The following BACH2 variants were observed in gnomAD, a reference collection of about 807,000 sequenced individuals.
BACH2 encodes the protein transcription regulator protein BACH2.
A neutral mutation model predicts 61.8 loss-of-function variants in BACH2; 5 were observed. That is an observed-to-expected ratio of 0.08 (90% CI 0.04 to 0.17). BACH2 has a LOEUF of 0.17. Ranked by LOEUF, BACH2 falls within the 10% of genes least tolerant of loss-of-function variation. The pLI is 1.00. For synonymous variants in BACH2, 446 were observed against 440.1 expected (o/e 1.01, Z -0.17); for missense variants, 824 against 1,091.1 (o/e 0.76, Z 3.45).
In BACH2 at chr6:89,962,996, T is replaced by C. The variant is rs1343736370; in HGVS notation, c.244-11134A>G. Among the ~76,000 whole-genome samples, 6 of 152,198 alleles carry C rather than the reference T, an allele frequency of 3.9e-5. 1 individual carries two copies. Among genetic ancestry groups the C allele is most frequent in the Non-Finnish European group, 7.4e-5 (5 of 68,024 alleles). The stretch of plus-strand genomic sequence containing the variant: ...AAAGGGTTGATATATAAAGAACCCC[T>C]ATGTAAAGAACTCTCATTTAAAGAA... On this transcript the variant is annotated intron_variant, in intron 6 of 8. Transcript: ENST00000257749.
chr6:90,103,908 T>C (rs1390619612), intron 4 of BACH2, among the ~76,000 whole-genome samples: 2 of 152,194 alleles, frequency 1.3e-5, no homozygotes, highest in African/African-American at 4.8e-5. Flanking sequence ...CCTGAAAACA[T>C]CCATTTGAAA....
intron 4 of BACH2, among the ~76,000 whole-genome samples, chr6:90,168,107 T>C (rs1454022564): frequency 1.3e-5 from 2 of 152,164 alleles, no homozygotes; most frequent in Non-Finnish European, 2.9e-5. Context: ...GCCTGTAATC[T>C]CAGTACTTTG....
chr6:90,079,791 C>G (rs1781642524), intron 5 of BACH2, among the ~76,000 whole-genome samples: 1 of 152,122 alleles, frequency 6.6e-6, no homozygotes, highest in Non-Finnish European at 1.5e-5. Context: ...TCTGGGCCAC[C>G]CACACTGCCC....
At chr6:90,204,034 G>T (rs190856603) in intron 4 of BACH2, among the ~76,000 whole-genome samples, 1 of 152,248 alleles carries the variant, frequency 6.6e-6, no homozygotes, top group Non-Finnish European at 1.5e-5. Flanking sequence ...TTTCTAGAGG[G>T]ATGGTCTCTA....
At chr6:90,026,261 G>A (rs1226464557) in intron 5 of BACH2, among the ~76,000 whole-genome samples, 1 of 152,208 alleles carries the variant, frequency 6.6e-6, no homozygotes. Context: ...GGGGAAGATG[G>A]AAGGAGGAAT....
chr6:89,936,004 A>C (rs879041224), intron 8 of BACH2, among the ~76,000 whole-genome samples: 1 of 152,228 alleles, frequency 6.6e-6, no homozygotes, highest in Non-Finnish European at 1.5e-5. Context: ...GCAATATTTG[A>C]AAGAAAGAAG....
At chr6:90,021,299 T>TAAAAAAAAAAAAAAAAAAAAA (rs200724602) in intron 5 of BACH2, among the ~76,000 whole-genome samples, 3 of 100,240 alleles carry the variant, frequency 3.0e-5, no homozygotes, top group Admixed American at 9.3e-5. Context: ...AGCAAAAAAG[T>TAAAAAAAAAAAAAAAAAAAAA]AAAAAAAAAA....
intron 3 of BACH2, among the ~76,000 whole-genome samples, chr6:90,223,139 T>G (rs1039655986): frequency 1.3e-5 from 2 of 152,192 alleles, no homozygotes; most frequent in Non-Finnish European, 2.9e-5. Context: ...CAAATTGCCT[T>G]GCTGAGAAAA....
At chr6:90,283,681 T>C (rs899590308) in intron 1 of BACH2, among the ~76,000 whole-genome samples, 2 of 150,428 alleles carry the variant, frequency 1.3e-5, no homozygotes, top group Non-Finnish European at 3.0e-5. Flanking sequence ...GGCCTCCTCA[T>C]GCATTTTTAA....
chr6:89,938,354 A>C lies in BACH2; in HGVS notation c.1837-4T>G, dbSNP rs566125670. 6.2e-7 allele frequency: 1 copy of C among 1,608,864 alleles called. No individual in the cohort carries two copies. Among genetic ancestry groups the C allele is most frequent in the African/African-American group, 1.3e-5 (1 of 74,966 alleles). On this transcript the variant is annotated splice_polypyrimidine_tract_variant and splice_region_variant and intron_variant, in intron 7 of 8. Coordinates refer to ENST00000257749, the MANE Select transcript of BACH2 (RefSeq NM_021813.4). ...CTACAGGAAAAGGAAGTTTTACCTG[A>C]AACCAAGAATAACAGAAAATGATTA... is the stretch of plus-strand genomic sequence containing the variant.
chr6:90,032,029 C>G lies in BACH2; in HGVS notation c.-12-23173G>C, dbSNP rs1434817693. The stretch of plus-strand genomic sequence containing the variant: ...AGACATATAGACCAATGGAACAGAA[C>G]AGAGTCCTCAGAAATAATGCCGCAT... On this transcript the variant is annotated intron_variant, in intron 5 of 8. Coordinates refer to ENST00000257749, the MANE Select transcript of BACH2 (RefSeq NM_021813.4). Among the ~76,000 whole-genome samples, 3 of 152,130 alleles carry G rather than the reference C, an allele frequency of 2.0e-5. No individual in the cohort carries two copies. In the East Asian group the frequency reaches 5.8e-4, roughly 29 times the overall value.
rs1051594228 is a variant in BACH2 at position 90,143,268 on chromosome 6, G to A, written c.-161-54159C>T. 6.6e-5 allele frequency among the ~76,000 whole-genome samples: 10 copies of A among 152,096 alleles called. 1 individual carries two copies. The South Asian group carries it at 1.9e-3, about 28-fold the overall frequency. The stretch of plus-strand genomic sequence containing the variant: ...AATAGGACTGAGATGGTACAATGAA[G>A]GAAAAATTAATAGTAACATCGATGA... On this transcript the variant is annotated intron_variant, in intron 4 of 8. Transcript: ENST00000257749.
chr6:90,098,819 G>A (rs758555315), intron 4 of BACH2, among the ~76,000 whole-genome samples: 15 of 152,126 alleles, frequency 9.9e-5, no homozygotes, highest in East Asian at 3.9e-4. Context: ...TTCAGCTTCC[G>A]GAACACCCCT....
At chr6:90,124,426 CAG>C (rs1378579284) in intron 4 of BACH2, among the ~76,000 whole-genome samples, 1 of 152,196 alleles carries the variant, frequency 6.6e-6, no homozygotes, top group Non-Finnish European at 1.5e-5. Context: ...ACCTGCTACT[CAG>C]AGTGTGGTCC....
At chr6:90,210,470 C>G (rs149695989) in intron 3 of BACH2, among the ~76,000 whole-genome samples, 4 of 152,234 alleles carry the variant, frequency 2.6e-5, no homozygotes, top group East Asian at 3.9e-4. Flanking sequence ...CTTGTTCTAT[C>G]AAGTACTTTC....
At chr6:90,252,221 C>G (rs1403771331) in intron 3 of BACH2, among the ~76,000 whole-genome samples, 1 of 152,144 alleles carries the variant, frequency 6.6e-6, no homozygotes, top group Non-Finnish European at 1.5e-5. Context: ...TGGTGACAGA[C>G]AGCTTTTCCC....
intron 6 of BACH2, among the ~76,000 whole-genome samples, chr6:89,973,138 G>A (rs969033492): frequency 3.3e-5 from 5 of 152,056 alleles, no homozygotes; most frequent in African/African-American, 9.7e-5. Context: ...GTGTTGGCTT[G>A]GGCCTGTAAT....
chr6:90,287,881 C>A (rs1215451857), intron 1 of BACH2, among the ~76,000 whole-genome samples: 1 of 152,096 alleles, frequency 6.6e-6, no homozygotes, highest in Non-Finnish European at 1.5e-5. Flanking sequence ...TAAAATCTTT[C>A]TCTGAGATTG....
intron 5 of BACH2, among the ~76,000 whole-genome samples, chr6:90,073,784 T>C (rs1045363974): frequency 1.3e-5 from 2 of 152,200 alleles, no homozygotes; most frequent in African/African-American, 4.8e-5. Context: ...TCAATTAAAA[T>C]TTCCCTTCAG....
Sources: allele counts gnomAD v4.1 joint callset (sites outside exome capture counted in the v4.1 genomes callset), GRCh38; gene constraint gnomAD v4.1.1; transcripts MANE v1.5; gene names NCBI Gene and HGNC (gene_info 2026-07-23, HGNC 2026-07-21).